GNPTAB: variants seen among roughly 807,000 people sequenced by gnomAD.
The protein encoded by GNPTAB is N-acetylglucosamine-1-phosphate transferase subunits alpha and beta, also known as N-acetylglucosamine-1-phosphotransferase subunits alpha/beta.
GNPTAB carries 92 observed loss-of-function variants against 136.6 expected under a neutral mutation model. The observed-to-expected ratio is 0.67, with a 90% CI of 0.57 to 0.80. The LOEUF is 0.80. Among genes scored for constraint, GNPTAB ranks in the 30% least tolerant of loss-of-function variants. GNPTAB has a pLI of 0.00. For missense variants in GNPTAB, 1,343 were observed against 1,501.8 expected, an observed-to-expected ratio of 0.89 and a Z score of 1.75; for synonymous variants, 512 against 535.1, an observed-to-expected ratio of 0.96 and a Z score of 0.60.
intron 1 of GNPTAB, among the ~76,000 whole-genome samples, chr12:101,819,966 G>C (rs1214859376): frequency 6.6e-6 from 1 of 152,158 alleles, no homozygotes; most frequent in Non-Finnish European, 1.5e-5. Flanking sequence ...ATCACTGTGA[G>C]TTCTCCTGTT....
At chr12:101,766,879 C>T (rs757513913) in intron 11 of GNPTAB, among the ~76,000 whole-genome samples, 3 of 152,150 alleles carry the variant, frequency 2.0e-5, no homozygotes, top group Non-Finnish European at 2.9e-5. Context: ...CACGTGCTGA[C>T]AGAAATGGAG....
intron 18 of GNPTAB, among the ~76,000 whole-genome samples, chr12:101,754,739 TAA>T (rs11321534): frequency 0.11 from 16,259 of 146,498 alleles, 1,082 homozygotes; most frequent in African/African-American, 0.19. Context: ...TCGCCAAAAT[TAA>T]AAAAAAAAAA....
At chr12:101,789,432 T>C (rs947317630) in intron 3 of GNPTAB, among the ~76,000 whole-genome samples, 8 of 152,128 alleles carry the variant, frequency 5.3e-5, no homozygotes, top group African/African-American at 1.9e-4. Context: ...AACTTACCCT[T>C]CTCTAATGCA....
chr12:101,826,300 T>C (rs760492863), intron 1 of GNPTAB, among the ~76,000 whole-genome samples: 8 of 152,184 alleles, frequency 5.3e-5, no homozygotes, highest in Non-Finnish European at 1.2e-4. Context: ...AATTCTTGGA[T>C]ATTTGTTTCC....
At chr12:101,761,504 C>T (rs1594211136) in intron 14 of GNPTAB, 60 bp downstream of exon 14, 1 of 1,503,472 alleles carries the variant, frequency 6.7e-7, no homozygotes, top group Non-Finnish European at 9.3e-7. Flanking sequence ...TAAATATGCA[C>T]ATTTCAAGTA....
In GNPTAB at chr12:101,830,658, C is replaced by A. The variant is rs4764655; in HGVS notation, c.18G>T (p.Leu6=). The change falls in exon 1 of 21, where the codon CTG becomes CTT. Residue 6 remains leucine (L), a synonymous_variant. Transcript: ENST00000299314. MLFKL[L]QRQTYTCLSH... The stretch of plus-strand genomic sequence containing the variant: ...ACAGGCAGGTATAGGTCTGTCTCTG[C>A]AGGAGCTTGAACAGCATCACCCCTT... 1 of 1,606,432 alleles carries A rather than the reference C, an allele frequency of 6.2e-7. No homozygotes were observed. The highest frequency in any genetic ancestry group is 8.5e-7 in the Non-Finnish European group (1 of 1,173,972).
At chr12:101,787,372 G>C (rs1449884433) in intron 4 of GNPTAB, among the ~76,000 whole-genome samples, 1 of 150,466 alleles carries the variant, frequency 6.6e-6, no homozygotes, top group Non-Finnish European at 1.5e-5. Context: ...AGTTTAAAAA[G>C]GATACAAAAC....
At chr12:101,756,417 T>C in intron 18 of GNPTAB, 1 of 331,444 alleles carries the variant, frequency 3.0e-6, no homozygotes, top group South Asian at 2.2e-5. Flanking sequence ...AAATTAAAAA[T>C]ACTCCATTTT....
intron 1 of GNPTAB, among the ~76,000 whole-genome samples, chr12:101,815,622 CAAAA>C (rs34191299): frequency 1.5e-5 from 2 of 135,298 alleles, no homozygotes; most frequent in Non-Finnish European, 1.6e-5. Flanking sequence ...GACCCTGTTC[CAAAA>C]AAAAAAAAAA....
chr12:101,747,840 C>A (rs919737956), intron 20 of GNPTAB, among the ~76,000 whole-genome samples: 2 of 93,996 alleles, frequency 2.1e-5, no homozygotes, highest in Non-Finnish European at 5.1e-5. Flanking sequence ...ACCTGCCCTT[C>A]CCTTCCCTCT....
intron 7 of GNPTAB, among the ~76,000 whole-genome samples, chr12:101,772,779 G>A (rs1432628685): frequency 6.6e-6 from 1 of 152,132 alleles, no homozygotes; most frequent in Admixed American, 6.5e-5. Flanking sequence ...GCTCCCTGGA[G>A]AGAAAAAGTC....
chr12:101,762,424 G>A lies in GNPTAB; in HGVS notation c.2716-661C>T, dbSNP rs914005644. On this transcript the variant is annotated intron_variant, in intron 13 of 20. Transcript: ENST00000299314. ...ACTGTTTGTGGAAATATGAAGTGGT[G>A]CAACATTTCAGAAAGACATATTTAA... Among the ~76,000 whole-genome samples the A allele has an allele frequency of 3.3e-5, 5 of 152,204 alleles. No individual in the cohort carries two copies. In the South Asian group the frequency reaches 1.0e-3, roughly 32 times the overall value.
At chr12:101,767,112 T>A (rs1953105988) in intron 11 of GNPTAB, among the ~76,000 whole-genome samples, 1 of 152,234 alleles carries the variant, frequency 6.6e-6, no homozygotes, top group African/African-American at 2.4e-5. Flanking sequence ...AACTTGAAGC[T>A]TTGTTTTCTC....
chr12:101,765,010 C>CT lies in GNPTAB; in HGVS notation c.1906dup (p.Arg636LysfsTer19), dbSNP rs747789493. Reference sequence around the variant, plus strand: ...TGTAGAATTCAGTTTTGGTCCCTCCCTTGTGTCCACCTCCACTGTTATCTG... The same window carrying CT: ...TGTAGAATTCAGTTTTGGTCCCTCCCTTTGTGTCCACCTCCACTGTTATCTG... On this transcript the variant is annotated frameshift_variant, in exon 13 of 21. Transcript: ENST00000299314. LOFTEE classifies it high-confidence loss of function. 3 of 1,614,158 alleles carry CT rather than the reference C, an allele frequency of 1.9e-6. No individual in the cohort carries two copies. In the Admixed American group the frequency reaches 5.0e-5, roughly 27 times the overall value.
At chr12:101,773,163 T>C in intron 7 of GNPTAB, 1 of 258,802 alleles carries the variant, frequency 3.9e-6, no homozygotes, top group Non-Finnish European at 7.8e-6. Flanking sequence ...CACAGCTTCG[T>C]TATCAATTTC....
At chr12:101,802,484 G>A (rs1380711262) in intron 1 of GNPTAB, among the ~76,000 whole-genome samples, 1 of 152,044 alleles carries the variant, frequency 6.6e-6, no homozygotes, top group Non-Finnish European at 1.5e-5. Context: ...GCACAACACT[G>A]GATGGTCAAG....
intron 5 of GNPTAB, among the ~76,000 whole-genome samples, chr12:101,783,248 G>C (rs987214933): frequency 6.6e-6 from 1 of 151,880 alleles, no homozygotes; most frequent in African/African-American, 2.4e-5. Context: ...TAAACAGACA[G>C]TCCTGCTCTC....
intron 5 of GNPTAB, among the ~76,000 whole-genome samples, 184 bp from the exon 6 acceptor site, chr12:101,780,805 C>T (rs991131506): frequency 3.3e-5 from 5 of 152,178 alleles, no homozygotes; most frequent in Non-Finnish European, 7.4e-5. Flanking sequence ...AATCAGTGTA[C>T]GTTGAAATGT....
chr12:101,773,805 A>G (rs1953218607), intron 7 of GNPTAB: 2 of 152,202 alleles, frequency 1.3e-5, no homozygotes, highest in Non-Finnish European at 1.5e-5. Context: ...CTTTTGTCAG[A>G]AGAGAGAAGG....
Sources: allele counts gnomAD v4.1 joint callset (sites outside exome capture counted in the v4.1 genomes callset), GRCh38; gene constraint gnomAD v4.1.1; transcripts MANE v1.5; gene names NCBI Gene and HGNC (gene_info 2026-07-23, HGNC 2026-07-21).